GALNTL6: variants seen among roughly 807,000 people sequenced by gnomAD.
GALNTL6 encodes the protein polypeptide N-acetylgalactosaminyltransferase like 6.
A neutral mutation model predicts 73.7 loss-of-function variants in GALNTL6; 46 were observed. The observed-to-expected ratio is 0.62, with a 90% CI of 0.49 to 0.80. GALNTL6 has a LOEUF of 0.80. GALNTL6 is among the 30% of genes least tolerant of loss of function. The probability of loss-of-function intolerance (pLI) is 0.00; values close to 1 mark genes in which losing one functional copy is unlikely to be tolerated. For synonymous variants in GALNTL6, 259 were observed against 263.7 expected, an observed-to-expected ratio of 0.98 and a Z score of 0.17; for missense variants, 604 against 755.0, an observed-to-expected ratio of 0.80 and a Z score of 2.34.
intron 8 of GALNTL6, among the ~76,000 whole-genome samples, chr4:172,899,178 AG>A (rs1746489670): frequency 6.6e-6 from 1 of 152,150 alleles, no homozygotes; most frequent in Non-Finnish European, 1.5e-5. Flanking sequence ...TCAGTGTCTG[AG>A]GGGTTCTTGT....
At chr4:171,827,869 A>G (rs985202695) in intron 2 of GALNTL6, among the ~76,000 whole-genome samples, 5 of 152,170 alleles carry the variant, frequency 3.3e-5, no homozygotes, top group Admixed American at 2.0e-4. Flanking sequence ...ATTTTTTTCA[A>G]TAAATACATT....
intron 10 of GALNTL6, among the ~76,000 whole-genome samples, chr4:172,957,354 G>T (rs1327956893): frequency 6.6e-6 from 1 of 152,212 alleles, no homozygotes; most frequent in Non-Finnish European, 1.5e-5. Context: ...GGCCTGTGTG[G>T]CTGGAAGGAG....
intron 5 of GALNTL6, among the ~76,000 whole-genome samples, chr4:172,426,459 C>A (rs943591105): frequency 5.3e-5 from 8 of 152,040 alleles, no homozygotes; most frequent in African/African-American, 1.9e-4. Context: ...TTTCAGCTTT[C>A]ATCCAGTTTC....
At chr4:172,630,683 C>T (rs1407239505) in intron 5 of GALNTL6, among the ~76,000 whole-genome samples, 1 of 149,622 alleles carries the variant, frequency 6.7e-6, no homozygotes, top group African/African-American at 2.5e-5. Flanking sequence ...TCTTTAATTA[C>T]TTTTCCTTTA....
At chr4:172,529,848 G>T (rs927425990) in intron 5 of GALNTL6, among the ~76,000 whole-genome samples, 1 of 63,272 alleles carries the variant, frequency 1.6e-5, no homozygotes, top group African/African-American at 6.1e-5. Context: ...ACCACATCTG[G>T]CTAATTTATT....
intron 2 of GALNTL6, among the ~76,000 whole-genome samples, chr4:171,980,529 C>T (rs1739864246): frequency 6.6e-6 from 1 of 152,160 alleles, no homozygotes; most frequent in Non-Finnish European, 1.5e-5. Context: ...TCCACATCTA[C>T]CCGCACCACT....
At chr4:171,838,254 G>A (rs982323879) in intron 2 of GALNTL6, among the ~76,000 whole-genome samples, 1 of 151,936 alleles carries the variant, frequency 6.6e-6, no homozygotes, top group Non-Finnish European at 1.5e-5. Flanking sequence ...CTCCCAAGAA[G>A]CTGGGGTTAC....
intron 5 of GALNTL6, among the ~76,000 whole-genome samples, chr4:172,538,534 G>A (rs1218399426): frequency 1.3e-5 from 2 of 152,058 alleles, no homozygotes; most frequent in East Asian, 1.9e-4. Context: ...CCCTGATGGA[G>A]AACAACATGA....
At chr4:172,381,848 A>G (rs1353755892) in intron 5 of GALNTL6, among the ~76,000 whole-genome samples, 1 of 152,250 alleles carries the variant, frequency 6.6e-6, no homozygotes, top group Non-Finnish European at 1.5e-5. Context: ...TATTTATGAT[A>G]GCACAAAAAA....
At chr4:172,862,883 GA>G in intron 7 of GALNTL6, among the ~76,000 whole-genome samples, 1 of 152,276 alleles carries the variant, frequency 6.6e-6, no homozygotes, top group African/African-American at 2.4e-5. Context: ...AGCCTAGGAG[GA>G]AAAAATGGTT....
intron 2 of GALNTL6, among the ~76,000 whole-genome samples, chr4:171,967,447 G>GTTTTTTTTTTTTTTTT (rs759348628): frequency 7.0e-5 from 1 of 14,370 alleles, no homozygotes; most frequent in African/African-American, 9.7e-5. Context: ...CCCCCTATGG[G>GTTTTTTTTTTTTTTTT]TTTTTTTTTT....
chr4:171,974,782 G>C (rs1395074124), intron 2 of GALNTL6, among the ~76,000 whole-genome samples: 1 of 151,982 alleles, frequency 6.6e-6, no homozygotes, highest in African/African-American at 2.4e-5. Flanking sequence ...TTTTGCAATA[G>C]CCTAATGAAA....
chr4:172,172,641 C>G (rs529387287), intron 2 of GALNTL6, among the ~76,000 whole-genome samples: 1 of 152,220 alleles, frequency 6.6e-6, no homozygotes, highest in Non-Finnish European at 1.5e-5. Context: ...ACATCATGAT[C>G]TTAGACTTCT....
intron 7 of GALNTL6, among the ~76,000 whole-genome samples, chr4:172,821,367 C>A (rs1741916626): frequency 6.6e-6 from 1 of 152,188 alleles, no homozygotes; most frequent in Non-Finnish European, 1.5e-5. Context: ...TTCATTCAGA[C>A]TTTGAATCCT....
chr4:172,334,550 G>T (rs1741241741), intron 4 of GALNTL6, among the ~76,000 whole-genome samples: 1 of 152,066 alleles, frequency 6.6e-6, no homozygotes. Context: ...GTACAGAAGT[G>T]CTACTGATTT....
At chr4:171,913,400 C>T (rs879370579) in intron 2 of GALNTL6, among the ~76,000 whole-genome samples, 1 of 152,150 alleles carries the variant, frequency 6.6e-6, no homozygotes, top group Non-Finnish European at 1.5e-5. Context: ...TGGCAGTGGG[C>T]TGTAATGCAA....
chr4:171,947,067 T>C (rs1171316369), intron 2 of GALNTL6, among the ~76,000 whole-genome samples: 1 of 152,142 alleles, frequency 6.6e-6, no homozygotes, highest in African/African-American at 2.4e-5. Context: ...CTCTTTGTTC[T>C]TCAAAATTGT....
chr4:172,581,995 C>CA (rs1171782499), intron 5 of GALNTL6, among the ~76,000 whole-genome samples: 1 of 152,172 alleles, frequency 6.6e-6, no homozygotes. Context: ...TGTCTGTACT[C>CA]ACATAGCACT....
At chr4:172,817,106 CAAAAAAA>C (rs368595063) in intron 7 of GALNTL6, among the ~76,000 whole-genome samples, 4 of 74,498 alleles carry the variant, frequency 5.4e-5, no homozygotes, top group Non-Finnish European at 1.1e-4. Context: ...ACTCCGTCTC[CAAAAAAA>C]AAAAAAAAAA....
Sources: gnomAD v4.1 joint callset for allele counts (sites outside exome capture counted in the v4.1 genomes callset) on GRCh38, gnomAD v4.1.1 for gene constraint, MANE v1.5 for transcripts, NCBI Gene and HGNC (gene_info 2026-07-23, HGNC 2026-07-21) for gene names.